Variants in AMZ1 observed in about 807,000 individuals in gnomAD.
AMZ1 encodes the protein archaemetzincin-1.
AMZ1 carries 39 observed loss-of-function variants against 29.9 expected under a neutral mutation model. The observed-to-expected ratio is 1.30, with a 90% CI of 1.01 to 1.70. The LOEUF (loss-of-function observed/expected upper bound fraction) is 1.70, where lower values mean the gene tolerates loss of function less well. AMZ1 is among the 40% of genes most tolerant of loss of function. The pLI is 0.00. For synonymous variants in AMZ1, 458 were observed against 304.0 expected (o/e 1.51, Z -5.27); for missense variants, 1,041 against 680.6 (o/e 1.53, Z -5.89).
At chr7:2,696,286 T>G (rs1175449328) in intron 1 of AMZ1, among the ~76,000 whole-genome samples, 5 of 142,742 alleles carry the variant, frequency 3.5e-5, no homozygotes, top group African/African-American at 1.3e-4. Flanking sequence ...AGATGGAGTC[T>G]CGCTCTGTCA....
At chr7:2,703,637 A>G (rs532180373) in intron 3 of AMZ1, among the ~76,000 whole-genome samples, 7 of 152,260 alleles carry the variant, frequency 4.6e-5, no homozygotes, top group Admixed American at 4.6e-4. Flanking sequence ...CCTAGACTCA[A>G]GTTTAGGGAG....
intron 1 of AMZ1, among the ~76,000 whole-genome samples, chr7:2,680,545 G>T (rs1232510789): frequency 6.6e-6 from 1 of 152,204 alleles, no homozygotes; most frequent in Non-Finnish European, 1.5e-5. Flanking sequence ...TGTGGCTGGG[G>T]TTGCTGGAGA....
At chr7:2,721,518 C>T (rs941028494), downstream of AMZ1, among the ~76,000 whole-genome samples, 5 of 152,218 alleles carry the variant, frequency 3.3e-5, no homozygotes, top group Admixed American at 2.6e-4. Flanking sequence ...AGATCGAGAC[C>T]ATCCTCGCTA....
intron 1 of AMZ1, among the ~76,000 whole-genome samples, chr7:2,695,321 G>A (rs1286160810): frequency 1.3e-4 from 20 of 152,134 alleles, no homozygotes; most frequent in Non-Finnish European, 5.9e-5. Flanking sequence ...TCTGGTGGTG[G>A]GCATGCGGGT....
intron 4 of AMZ1, chr7:2,728,085 G>C (rs1404455634): frequency 6.6e-6 from 1 of 151,742 alleles, no homozygotes; most frequent in East Asian, 1.9e-4. Flanking sequence ...ATTTAGTGTT[G>C]GTTTTGAATA....
intron 1 of AMZ1, among the ~76,000 whole-genome samples, chr7:2,682,645 A>T (rs1786925161): frequency 3.3e-5 from 5 of 152,106 alleles, no homozygotes. Context: ...TACTGCACCC[A>T]GGAGACCTCA....
At chr7:2,728,721 A>ATG (rs4208) in intron 4 of AMZ1, 26,274 of 152,500 alleles carry the variant, frequency 0.17, 2,311 homozygotes, top group Non-Finnish European at 0.2. Context: ...ACTAGAGTCT[A>ATG]TGTGTAGCCA....
At chr7:2,709,858 C>T (rs935695742) in intron 6 of AMZ1, 42 bp downstream of exon 6, 5 of 1,600,076 alleles carry the variant, frequency 3.1e-6, no homozygotes, top group African/African-American at 1.3e-5. Flanking sequence ...GGGACCTGCG[C>T]TCCGGAGGCC....
intron 1 of AMZ1, among the ~76,000 whole-genome samples, chr7:2,690,197 TTG>T (rs978073283): frequency 4.0e-5 from 6 of 151,744 alleles, no homozygotes; most frequent in African/African-American, 1.2e-4. Flanking sequence ...GGCTGTGTTT[TTG>T]TGTGTGTGTG....
At chr7:2,746,280 A>G (rs1201136117) in intron 4 of AMZ1, among the ~76,000 whole-genome samples, 1 of 152,148 alleles carries the variant, frequency 6.6e-6, no homozygotes, top group Non-Finnish European at 1.5e-5. Context: ...GAAGTAAAGC[A>G]CTCCTCAGCA....
chr7:2,696,078 C>A (rs983025220), intron 1 of AMZ1, among the ~76,000 whole-genome samples: 6 of 151,600 alleles, frequency 4.0e-5, no homozygotes, highest in Admixed American at 1.3e-4. Context: ...GTGTTCCAAC[C>A]CCCCTCGCCC....
upstream of AMZ1, among the ~76,000 whole-genome samples, chr7:2,686,059 A>G (rs557153186): frequency 1.3e-5 from 2 of 152,314 alleles, no homozygotes; most frequent in East Asian, 1.9e-4. Context: ...AAGATCGTCT[A>G]TCACAGTGAT....
At chr7:2,735,068 C>CA (rs1790096589) in intron 4 of AMZ1, among the ~76,000 whole-genome samples, 1 of 152,128 alleles carries the variant, frequency 6.6e-6, no homozygotes, top group South Asian at 2.1e-4. Flanking sequence ...TGCCTCCTTC[C>CA]ACACCCTGAC....
chr7:2,712,768 C>A lies in AMZ1; in HGVS notation c.1387C>A (p.Leu463Met). ...ACCCAGCAGCAGGGACAGCGTGGGG[C>A]TGCGCAAGGTGCTGGGGGACAAGTT... Reference protein sequence around the residue: ...DPPSSRDSVGLRKVLGDKFSS... With the variant: ...DPPSSRDSVGMRKVLGDKFSS... Residue 463 changes from leucine to methionine, a missense_variant, in exon 7 of 7, where the codon CTG becomes ATG. By Grantham distance (15) the Leu-to-Met change is conservative. Transcript: ENST00000683327. 6.3e-7 allele frequency: 1 copy of A among 1,594,052 alleles called. No homozygotes were observed.
At chr7:2,734,281 G>A in intron 4 of AMZ1, among the ~76,000 whole-genome samples, 1 of 152,190 alleles carries the variant, frequency 6.6e-6, no homozygotes. Context: ...ATATGAACAG[G>A]CACGCAATGA....
At chr7:2,688,389 C>T (rs916991074) in intron 1 of AMZ1, 93 bp downstream of exon 1, 7 of 151,854 alleles carry the variant, frequency 4.6e-5, no homozygotes, top group African/African-American at 1.7e-4. Flanking sequence ...CGGGTCCAGC[C>T]CGGCCCGCGC....
intron 4 of AMZ1, chr7:2,727,994 G>C (rs992194963): frequency 2.8e-5 from 4 of 144,600 alleles, no homozygotes; most frequent in African/African-American, 1.0e-4. Context: ...GAGGTGGAGG[G>C]AGACTCTGTC....
chr7:2,700,429 T>C lies in AMZ1; in HGVS notation c.-23T>C. ...GGACAGCAGCAGGGGCTCCCAGGAG[T>C]GGCCAGGCCCTGCCCGCCCACCATG... On this transcript the variant is annotated 5_prime_UTR_variant, in exon 2 of 7. Transcript: ENST00000683327. The C allele has an allele frequency of 6.3e-7, 1 of 1,585,188 alleles. No homozygotes were observed. The highest frequency in any genetic ancestry group is 8.5e-7 in the Non-Finnish European group (1 of 1,171,080).
At chr7:2,689,750 G>A (rs886406846) in intron 1 of AMZ1, among the ~76,000 whole-genome samples, 1 of 152,224 alleles carries the variant, frequency 6.6e-6, no homozygotes, top group East Asian at 1.9e-4. Context: ...AGTTAGCAGA[G>A]GAGGGGGACA....
Sources: gnomAD v4.1 joint callset for allele counts (sites outside exome capture counted in the v4.1 genomes callset) on GRCh38, gnomAD v4.1.1 for gene constraint, MANE v1.5 for transcripts, NCBI Gene and HGNC (gene_info 2026-07-23, HGNC 2026-07-21) for gene names.